ROR2: variants seen among roughly 807,000 people sequenced by gnomAD.
The protein encoded by ROR2 is tyrosine-protein kinase transmembrane receptor ROR2.
ROR2 carries 33 observed loss-of-function variants against 74.9 expected under a neutral mutation model. The observed-to-expected ratio is 0.44, with a 90% CI of 0.33 to 0.59. ROR2 has a LOEUF of 0.59. ROR2 is among the 20% of genes least tolerant of loss of function. The pLI, the probability that ROR2 is intolerant of heterozygous loss-of-function variation, is 0.02. For synonymous variants in ROR2, 586 were observed against 558.7 expected (o/e 1.05, Z -0.69); for missense variants, 1,216 against 1,313.8 (o/e 0.93, Z 1.15).
At chr9:91,937,137 G>A (rs900922761) in intron 1 of ROR2, among the ~76,000 whole-genome samples, 21 of 151,376 alleles carry the variant, frequency 1.4e-4, no homozygotes, top group Non-Finnish European at 2.8e-4. Flanking sequence ...TTTTTCAAGA[G>A]CTCACAGTGC....
intron 1 of ROR2, among the ~76,000 whole-genome samples, chr9:91,856,461 AG>A (rs1394817548): frequency 6.6e-6 from 1 of 152,258 alleles, no homozygotes; most frequent in Non-Finnish European, 1.5e-5. Flanking sequence ...ATTTGGAGAC[AG>A]ACTTTTAAAG....
chr9:91,843,888 C>A lies in ROR2; in HGVS notation c.98-68070G>T, dbSNP rs535324550. 1.8e-4 allele frequency among the ~76,000 whole-genome samples: 28 copies of A among 152,362 alleles called. No homozygotes were observed. In the South Asian group the frequency reaches 5.8e-3, roughly 32 times the overall value. On this transcript the variant is annotated intron_variant, in intron 1 of 8. Coordinates refer to ENST00000375708, the MANE Select transcript of ROR2 (RefSeq NM_004560.4). ...TCTCAATTCAAAACACAACCAACCC[C>A]CACATTGGTTCCAGCTGCTCCCAAC... is the stretch of plus-strand genomic sequence containing the variant.
chr9:91,736,088 A>G (rs9409458), intron 5 of ROR2, among the ~76,000 whole-genome samples: 64,854 of 151,946 alleles, frequency 0.43, 14,510 homozygotes, highest in Non-Finnish European at 0.49. Flanking sequence ...TTCGGTAAAA[A>G]CCTTTGAGAA....
intron 4 of ROR2, among the ~76,000 whole-genome samples, chr9:91,746,058 GTTTT>G (rs1168264758): frequency 1.3e-5 from 2 of 151,900 alleles, no homozygotes; most frequent in Admixed American, 6.6e-5. Flanking sequence ...AGGTGGCTTG[GTTTT>G]TTTGTTTGTT....
intron 1 of ROR2, among the ~76,000 whole-genome samples, chr9:91,820,067 T>C (rs1259658883): frequency 1.3e-5 from 2 of 152,112 alleles, no homozygotes; most frequent in Non-Finnish European, 2.9e-5. Flanking sequence ...TGGTGATGAG[T>C]CTCTCACAAT....
At chr9:91,772,921 CTT>C (rs376740824) in intron 2 of ROR2, among the ~76,000 whole-genome samples, 14 of 152,320 alleles carry the variant, frequency 9.2e-5, no homozygotes, top group African/African-American at 2.6e-4. Flanking sequence ...CTGAATTTGA[CTT>C]ATAAATGCCA....
chr9:91,743,967 A>G (rs1035469152), intron 4 of ROR2, among the ~76,000 whole-genome samples: 4 of 152,268 alleles, frequency 2.6e-5, no homozygotes, highest in African/African-American at 9.6e-5. Flanking sequence ...GTGAATAAAC[A>G]TATTGTAGTA....
chr9:91,914,157 C>T (rs1418454598), intron 1 of ROR2, among the ~76,000 whole-genome samples: 1 of 152,102 alleles, frequency 6.6e-6, no homozygotes, highest in East Asian at 1.9e-4. Flanking sequence ...GTCTGGCCAC[C>T]TTATACTGTG....
chr9:91,940,182 G>T (rs938596579), intron 1 of ROR2, among the ~76,000 whole-genome samples: 2 of 152,248 alleles, frequency 1.3e-5, no homozygotes, highest in African/African-American at 4.8e-5. Flanking sequence ...ATTTCCAGCA[G>T]GGCTGGGTAT....
intron 4 of ROR2, among the ~76,000 whole-genome samples, chr9:91,745,424 C>CCA: frequency 1.1e-5 from 1 of 88,572 alleles, no homozygotes; most frequent in Admixed American, 1.4e-4. Context: ...CATGCCCAGC[C>CCA]TATTTTTTTT....
intron 1 of ROR2, among the ~76,000 whole-genome samples, chr9:91,868,292 AAG>A (rs1351451451): frequency 6.6e-6 from 1 of 152,184 alleles, no homozygotes. Context: ...AAAATTATAC[AAG>A]GTGAACAAAA....
At chr9:91,805,148 G>A (rs1233570791) in intron 1 of ROR2, among the ~76,000 whole-genome samples, 1 of 152,216 alleles carries the variant, frequency 6.6e-6, no homozygotes, top group Admixed American at 6.5e-5. Flanking sequence ...GTCTGCCTCA[G>A]TGACCACTGC....
intron 3 of ROR2, among the ~76,000 whole-genome samples, chr9:91,756,863 G>C (rs1214168614): frequency 6.8e-6 from 1 of 147,080 alleles, no homozygotes; most frequent in African/African-American, 2.5e-5. Context: ...CGATTCTCCT[G>C]CCTCAGCCTC....
Position 91,733,330 on chromosome 9 carries a change from G to C in ROR2, c.729C>G (p.Ser243=), listed in dbSNP as rs200645482. Residue 243 remains serine, a synonymous_variant, in exon 6 of 9, where the codon TCC becomes TCG. Coordinates refer to ENST00000375708, the MANE Select transcript of ROR2 (RefSeq NM_004560.4). The surrounding 1 kb of genome is among the most constrained non-coding windows in gnomAD (Gnocchi z 5.7). ...HFVFPLCDAR[S]RTPKPRELCR... ...ACAGCTCACGCGGCTTGGGTGTCCGGGAGCGCGCGTCGCACAGAGGAAACA... is the reference window on the plus strand; with the variant it reads ...ACAGCTCACGCGGCTTGGGTGTCCGCGAGCGCGCGTCGCACAGAGGAAACA... 2.0e-5 allele frequency: 32 copies of C among 1,612,468 alleles called. No homozygotes were observed. The highest frequency in any genetic ancestry group is 2.6e-5 in the Non-Finnish European group (31 of 1,179,722).
intron 1 of ROR2, among the ~76,000 whole-genome samples, chr9:91,933,996 G>A (rs1831617166): frequency 1.3e-5 from 2 of 152,106 alleles, no homozygotes; most frequent in African/African-American, 2.4e-5. Flanking sequence ...TTTATGTTAT[G>A]CGAATTTTAC....
chr9:91,875,384 C>G (rs1260061053), intron 1 of ROR2, among the ~76,000 whole-genome samples: 3 of 152,170 alleles, frequency 2.0e-5, no homozygotes, highest in Non-Finnish European at 4.4e-5. Context: ...AAAAGAATGT[C>G]CCAGTGCCCT....
In ROR2 at chr9:91,757,579, CA is replaced by C. The variant is rs1825799915; in HGVS notation, c.176-21del. ...AGTAACCTGCCAAGGAGAGCGGTCA[CA>C]AAAGAGCAAGCGTCAGTGAGGGCTG... On this transcript the variant is annotated intron_variant, in intron 2 of 8. Coordinates refer to ENST00000375708, the MANE Select transcript of ROR2 (RefSeq NM_004560.4). 1 of 1,610,596 alleles carries C rather than the reference CA, an allele frequency of 6.2e-7. No individual in the cohort carries two copies. Among genetic ancestry groups the C allele is most frequent in the Non-Finnish European group, 8.5e-7 (1 of 1,178,612 alleles).
At chr9:91,828,638 C>T (rs1398261721) in intron 1 of ROR2, among the ~76,000 whole-genome samples, 2 of 152,090 alleles carry the variant, frequency 1.3e-5, no homozygotes, top group African/African-American at 4.8e-5. Flanking sequence ...CACTTGAACC[C>T]GGGAGGAAGA....
At chr9:91,906,053 G>C (rs1919104) in intron 1 of ROR2, among the ~76,000 whole-genome samples, 15,121 of 151,346 alleles carry the variant, frequency 0.1, 1,372 homozygotes, top group African/African-American at 0.25. Flanking sequence ...TTGCTGAGCA[G>C]GCATAATAAA....
Sources: gnomAD v4.1 joint callset for allele counts (sites outside exome capture counted in the v4.1 genomes callset) on GRCh38, gnomAD v4.1.1 for gene constraint, Gnocchi (gnomAD v3.1) non-coding constraint, MANE v1.5 for transcripts, NCBI Gene and HGNC (gene_info 2026-07-23, HGNC 2026-07-21) for gene names.